DEPTOR: variants seen among roughly 807,000 people sequenced by gnomAD.
DEPTOR encodes DEP domain containing MTOR interacting protein, also known as DEP domain-containing mTOR-interacting protein.
DEPTOR carries 41 observed loss-of-function variants against 41.6 expected under a neutral mutation model. The ratio of observed to expected loss-of-function variants is 0.98; its 90% CI spans 0.77 to 1.28. The LOEUF is 1.28. Among genes scored for constraint, DEPTOR ranks in the 50% most tolerant of loss-of-function variants. The pLI is 0.00. For missense variants in DEPTOR, 514 were observed against 527.9 expected, an observed-to-expected ratio of 0.97 and a Z score of 0.26; for synonymous variants, 195 against 192.3, an observed-to-expected ratio of 1.01 and a Z score of -0.12.
intron 4 of DEPTOR, among the ~76,000 whole-genome samples, chr8:119,973,047 C>G (rs113613046): frequency 1.3e-5 from 2 of 151,832 alleles, no homozygotes; most frequent in Non-Finnish European, 2.9e-5. Context: ...TCAAGCAATT[C>G]TCCTGCCTCA....
intron 1 of DEPTOR, among the ~76,000 whole-genome samples, chr8:119,906,613 G>A (rs1827667312): frequency 6.6e-6 from 1 of 152,178 alleles, no homozygotes; most frequent in Admixed American, 6.6e-5. Context: ...ATTCACTGCT[G>A]TATACCCCTT....
At chr8:119,891,415 C>T (rs1827450925) in intron 1 of DEPTOR, among the ~76,000 whole-genome samples, 1 of 151,966 alleles carries the variant, frequency 6.6e-6, no homozygotes. Flanking sequence ...ACTCACAGAC[C>T]CACTAGATAT....
intron 7 of DEPTOR, among the ~76,000 whole-genome samples, chr8:120,008,242 G>T (rs1812475449): frequency 6.6e-6 from 1 of 152,068 alleles, no homozygotes; most frequent in Non-Finnish European, 1.5e-5. Context: ...GGCTCCCTTG[G>T]TGGAGGCTGG....
chr8:120,016,397 C>G (rs1417923741), intron 8 of DEPTOR, among the ~76,000 whole-genome samples: 1 of 151,864 alleles, frequency 6.6e-6, no homozygotes, highest in Non-Finnish European at 1.5e-5. Context: ...CTCCCGAGTT[C>G]AAGTGATTCT....
At chr8:120,022,715 T>TC (rs56852309) in intron 8 of DEPTOR, among the ~76,000 whole-genome samples, 1 of 151,748 alleles carries the variant, frequency 6.6e-6, no homozygotes, top group East Asian at 1.9e-4. Flanking sequence ...AATTTTTTTT[T>TC]CTAGAGATGG....
chr8:119,929,253 C>A (rs910918943), intron 2 of DEPTOR, among the ~76,000 whole-genome samples: 2 of 152,088 alleles, frequency 1.3e-5, no homozygotes, highest in African/African-American at 4.8e-5. Context: ...TTGGAATACC[C>A]TTTCGCCTCA....
chr8:120,007,009 A>G, intron 7 of DEPTOR, 134 bp downstream of exon 7: 1 of 830,494 alleles, frequency 1.2e-6, no homozygotes, highest in Middle Eastern at 2.5e-4. Flanking sequence ...CGTAATTATG[A>G]TACTAGGCTT....
At chr8:119,911,678 A>G (rs1266912234) in intron 1 of DEPTOR, among the ~76,000 whole-genome samples, 1 of 152,190 alleles carries the variant, frequency 6.6e-6, no homozygotes, top group Non-Finnish European at 1.5e-5. Context: ...GGGTTATGTA[A>G]CATTTCTTAT....
At chr8:119,948,563 G>T (rs893028800) in intron 3 of DEPTOR, among the ~76,000 whole-genome samples, 2 of 151,922 alleles carry the variant, frequency 1.3e-5, no homozygotes, top group Non-Finnish European at 1.5e-5. Context: ...CCTATTTAAA[G>T]CATATAAGTT....
At chr8:120,044,487 C>T (rs1003691094) in intron 8 of DEPTOR, among the ~76,000 whole-genome samples, 1 of 152,146 alleles carries the variant, frequency 6.6e-6, no homozygotes, top group African/African-American at 2.4e-5. Flanking sequence ...AATACCAGAG[C>T]AAATGAACTT....
intron 4 of DEPTOR, among the ~76,000 whole-genome samples, chr8:119,997,995 GT>G (rs1244651884): frequency 6.6e-6 from 1 of 152,108 alleles, no homozygotes; most frequent in Non-Finnish European, 1.5e-5. Context: ...TTTAACTTCT[GT>G]TTTTACCATC....
intron 1 of DEPTOR, among the ~76,000 whole-genome samples, chr8:119,883,473 TAAAAAAAAAA>T (rs386413817): frequency 1.8e-5 from 2 of 112,122 alleles, no homozygotes; most frequent in Admixed American, 9.9e-5. Flanking sequence ...AGACTCGTCT[TAAAAAAAAAA>T]AAAAAAAAAA....
intron 1 of DEPTOR, among the ~76,000 whole-genome samples, chr8:119,886,514 T>TAC (rs149066102): frequency 2.0e-5 from 3 of 151,208 alleles, no homozygotes; most frequent in Non-Finnish European, 4.4e-5. Context: ...TACACACAGA[T>TAC]ACACACACAC....
chr8:119,918,470 A>G (rs1827844105), intron 1 of DEPTOR, among the ~76,000 whole-genome samples: 2 of 151,546 alleles, frequency 1.3e-5, no homozygotes, highest in Non-Finnish European at 2.9e-5. Context: ...TTATTTATTT[A>G]TTTATTTAGA....
chr8:119,950,010 T>C (rs1224797301), intron 3 of DEPTOR, among the ~76,000 whole-genome samples: 1 of 152,134 alleles, frequency 6.6e-6, no homozygotes, highest in Admixed American at 6.6e-5. Flanking sequence ...AGTTTTAGCT[T>C]TTACATTTAG....
chr8:119,962,321 T>G (rs566542939), intron 3 of DEPTOR, among the ~76,000 whole-genome samples: 1 of 152,208 alleles, frequency 6.6e-6, no homozygotes, highest in South Asian at 2.1e-4. Context: ...TCAACCTTCT[T>G]GGAGCCTATA....
intron 4 of DEPTOR, among the ~76,000 whole-genome samples, chr8:119,999,990 TCTGAATAAGGGCCGTAGA>T: frequency 6.6e-6 from 1 of 152,316 alleles, no homozygotes; most frequent in Admixed American, 6.5e-5. Context: ...GCTGGTGACA[TCTGAATAAGGGCCGTAGA>T]CTGTACCGAT....
chr8:119,960,960 C>G (rs1452806326), intron 3 of DEPTOR, among the ~76,000 whole-genome samples: 3 of 151,700 alleles, frequency 2.0e-5, no homozygotes, highest in Non-Finnish European at 4.4e-5. Flanking sequence ...GCCTGGGTGA[C>G]AAGAGTGAAA....
At chr8:119,885,699 C>T (rs1445005715) in intron 1 of DEPTOR, among the ~76,000 whole-genome samples, 2 of 152,108 alleles carry the variant, frequency 1.3e-5, no homozygotes, top group Non-Finnish European at 1.5e-5. Context: ...TTTCCTCTAA[C>T]ATTGTATTAT....
Sources: gnomAD v4.1 joint callset for allele counts (sites outside exome capture counted in the v4.1 genomes callset) on GRCh38, gnomAD v4.1.1 for gene constraint, MANE v1.5 for transcripts, NCBI Gene and HGNC (gene_info 2026-07-23, HGNC 2026-07-21) for gene names.